The following ZNF821 variants were observed in gnomAD, a reference collection of about 807,000 sequenced individuals.
The protein encoded by ZNF821 is zinc finger protein 821.
ZNF821 carries 16 observed loss-of-function variants against 44.3 expected under a neutral mutation model. That is an observed-to-expected ratio of 0.36 (90% CI 0.24 to 0.55). The LOEUF is 0.55. Among genes scored for constraint, ZNF821 ranks in the 20% least tolerant of loss-of-function variants. The pLI, the probability that ZNF821 is intolerant of heterozygous loss-of-function variation, is 0.86. For missense variants in ZNF821, 436 were observed against 547.6 expected, an observed-to-expected ratio of 0.80 and a Z score of 2.03; for synonymous variants, 204 against 197.6, an observed-to-expected ratio of 1.03 and a Z score of -0.27.
chr16:71,891,205 G>C (rs2036883535), intron 1 of ZNF821, among the ~76,000 whole-genome samples: 1 of 152,184 alleles, frequency 6.6e-6, no homozygotes, highest in Non-Finnish European at 1.5e-5. Context: ...CAAACACTGT[G>C]TCTGGTTTTA....
At position 71,860,727 on chromosome 16, in the gene ZNF821, T is replaced by G. The variant is rs1423945788; in HGVS notation, c.585-55A>C. Reference sequence around the variant, plus strand: ...GTTTCCTTCTAGCAAGAGTCGGGACTCCAGCCCTGCCTTATTCTTTTCCTA... The same window carrying G: ...GTTTCCTTCTAGCAAGAGTCGGGACGCCAGCCCTGCCTTATTCTTTTCCTA... On this transcript the variant is annotated intron_variant, in intron 7 of 7. Coordinates refer to ENST00000425432, the MANE Select transcript of ZNF821 (RefSeq NM_001201552.2). This position sits in a 1 kb window ranked among gnomAD's most constrained non-coding sequence, Gnocchi z 7.3. 1.3e-6 allele frequency: 2 copies of G among 1,555,322 alleles called. No homozygotes were observed. The highest frequency in any genetic ancestry group is 1.7e-6 in the Non-Finnish European group (2 of 1,153,684).
intron 3 of ZNF821, among the ~76,000 whole-genome samples, chr16:71,878,263 C>T (rs2036058128): frequency 6.6e-6 from 1 of 151,748 alleles, no homozygotes; most frequent in East Asian, 1.9e-4. Flanking sequence ...AGGTGCCTGC[C>T]ACCATGCCTG....
At chr16:71,872,891 T>A (rs1279985132) in intron 3 of ZNF821, among the ~76,000 whole-genome samples, 1 of 152,252 alleles carries the variant, frequency 6.6e-6, no homozygotes, top group Non-Finnish European at 1.5e-5. Context: ...GTCACTCATG[T>A]GTTTTACAAT....
chr16:71,894,743 C>A, intron 1 of ZNF821: 1 of 760,228 alleles, frequency 1.3e-6, no homozygotes, highest in East Asian at 3.0e-5. Context: ...ACTATGGTGT[C>A]CAGGCTGGTC....
chr16:71,870,857 G>C (rs1244172545), intron 3 of ZNF821, among the ~76,000 whole-genome samples: 1 of 152,174 alleles, frequency 6.6e-6, no homozygotes, highest in East Asian at 1.9e-4. Flanking sequence ...GGCAGACATA[G>C]CACTAAGGAA....
intron 1 of ZNF821, chr16:71,883,694 C>A (rs1218440592): frequency 6.6e-6 from 1 of 152,058 alleles, no homozygotes; most frequent in Non-Finnish European, 1.5e-5. Context: ...CCGCGCCCCG[C>A]GCCCGAGAGC....
intron 3 of ZNF821, among the ~76,000 whole-genome samples, chr16:71,877,672 A>G (rs2035968905): frequency 1.3e-5 from 2 of 151,914 alleles, no homozygotes; most frequent in African/African-American, 4.8e-5. Flanking sequence ...TAATCCCAGC[A>G]CTTTGGGAGG....
Position 71,879,937 on chromosome 16 carries a change from GA to G in ZNF821, c.9del (p.Arg4GlyfsTer18), listed in dbSNP as rs1567439625. The G allele has an allele frequency of 6.2e-7, 1 of 1,613,344 alleles. No homozygotes were observed. The highest frequency in any genetic ancestry group is 1.7e-5 in the Admixed American group (1 of 59,888). ...ACTTTATTTGGATTTGTCTGTTTCC[GA>G]CGGGACATGTTTCCCTGATGCAAGA... MS[R>X]RKQTNPNKVH... On this transcript the variant is annotated frameshift_variant, in exon 3 of 8. Coordinates refer to ENST00000425432, the MANE Select transcript of ZNF821 (RefSeq NM_001201552.2). LOFTEE classifies it high-confidence loss of function.
Position 71,859,944 on chromosome 16 carries a change from C to T in ZNF821, c.*74G>A. 1 of 1,445,726 alleles carries T rather than the reference C, an allele frequency of 6.9e-7. No homozygotes were observed. Among genetic ancestry groups the T allele is most frequent in the Non-Finnish European group, 9.1e-7 (1 of 1,096,820 alleles). The allele number at this position is 1,445,726 out of a possible 1,614,324, so 89.6% of individuals were successfully genotyped here. ...GACAGGGCCTCGTGGGTGGCAGCAG[C>T]ACTGGTCCTCGTGGCTGTGGGTGTG... is the stretch of plus-strand genomic sequence containing the variant. On this transcript the variant is annotated 3_prime_UTR_variant, in exon 8 of 8. Coordinates refer to ENST00000425432, the MANE Select transcript of ZNF821 (RefSeq NM_001201552.2).
intron 1 of ZNF821, among the ~76,000 whole-genome samples, chr16:71,892,489 C>G (rs1207191803): frequency 6.6e-6 from 1 of 151,074 alleles, no homozygotes; most frequent in African/African-American, 2.4e-5. Flanking sequence ...AGGATGGTCT[C>G]TATCTCCTGA....
At chr16:71,864,648 G>A (rs2034321071) in intron 5 of ZNF821, 1 of 480,406 alleles carries the variant, frequency 2.1e-6, no homozygotes, top group Non-Finnish European at 3.7e-6. Flanking sequence ...TTTCTCTCAT[G>A]TCTGGAAAGA....
At chr16:71,876,783 T>A (rs911913521) in intron 3 of ZNF821, among the ~76,000 whole-genome samples, 7 of 152,102 alleles carry the variant, frequency 4.6e-5, no homozygotes, top group African/African-American at 1.7e-4. Flanking sequence ...AATTTTTGTA[T>A]TTTTGGTACA....
chr16:71,882,659 A>G (rs557901960), intron 2 of ZNF821, among the ~76,000 whole-genome samples: 2 of 152,326 alleles, frequency 1.3e-5, no homozygotes, highest in South Asian at 4.1e-4. Flanking sequence ...ATAAGCAATT[A>G]CAGTCCCCTC....
chr16:71,862,529 G>C (rs2034023864), intron 6 of ZNF821, among the ~76,000 whole-genome samples: 1 of 152,172 alleles, frequency 6.6e-6, no homozygotes, highest in South Asian at 2.1e-4. Flanking sequence ...GCCCTCTTCA[G>C]AGCCTAAGAG....
At chr16:71,881,233 A>C (rs1006826937) in intron 2 of ZNF821, 2 of 152,192 alleles carry the variant, frequency 1.3e-5, no homozygotes, top group African/African-American at 2.4e-5. Context: ...CAGTTAATGA[A>C]GACTCACCTC....
intron 5 of ZNF821, 89 bp from the exon 6 acceptor site, chr16:71,864,331 GA>G: frequency 9.3e-7 from 1 of 1,071,138 alleles, no homozygotes; most frequent in Non-Finnish European, 1.4e-6. Context: ...CTGTTAAAAG[GA>G]ACCCAGACTG....
Position 71,860,802 on chromosome 16 carries a change from G to A in ZNF821, c.585-130C>T, listed in dbSNP as rs1404076545. The A allele has an allele frequency of 4.7e-6, 4 of 850,662 alleles. No homozygotes were observed. Among genetic ancestry groups the A allele is most frequent in the South Asian group, 1.8e-5 (1 of 55,446 alleles). 52.7% of individuals were successfully genotyped at this position (850,662 alleles called of 1,614,324 possible). A position where few individuals can be genotyped will look rare whatever the true frequency, so the allele number is the denominator to read the frequency against. ...CACAAGGGGTCAGTTTGAATGCTTG[G>A]TGGACCTCTTCTGCTGCTCCATCCC... On this transcript the variant is annotated intron_variant, in intron 7 of 7. Coordinates refer to ENST00000425432, the MANE Select transcript of ZNF821 (RefSeq NM_001201552.2). This position sits in a 1 kb window ranked among gnomAD's most constrained non-coding sequence, Gnocchi z 7.3.
At chr16:71,880,585 T>C (rs1339931218) in intron 2 of ZNF821, 2 of 152,170 alleles carry the variant, frequency 1.3e-5, no homozygotes, top group Non-Finnish European at 2.9e-5. Flanking sequence ...AAAGCCTCTA[T>C]CTGGTGATAC....
chr16:71,893,704 C>T (rs999477050), intron 1 of ZNF821, among the ~76,000 whole-genome samples: 13 of 151,920 alleles, frequency 8.6e-5, no homozygotes, highest in African/African-American at 3.1e-4. Context: ...GGTGATCCAC[C>T]CGCCTCGGCC....
Sources: gnomAD v4.1 joint callset for allele counts (sites outside exome capture counted in the v4.1 genomes callset) on GRCh38, gnomAD v4.1.1 for gene constraint, Gnocchi (gnomAD v3.1) non-coding constraint, MANE v1.5 for transcripts, NCBI Gene and HGNC (gene_info 2026-07-23, HGNC 2026-07-21) for gene names.